Variants in TAF3 observed in about 807,000 individuals in gnomAD.
TAF3 encodes the protein transcription initiation factor TFIID subunit 3.
A neutral mutation model predicts 80.6 loss-of-function variants in TAF3; 7 were observed. The ratio of observed to expected loss-of-function variants is 0.09; its 90% CI spans 0.05 to 0.16. TAF3 has a LOEUF of 0.16. TAF3 is among the 10% of genes least tolerant of loss of function. The probability of loss-of-function intolerance (pLI) is 1.00; values close to 1 mark genes in which losing one functional copy is unlikely to be tolerated. For missense variants in TAF3, 921 were observed against 1,140.2 expected, an observed-to-expected ratio of 0.81 and a Z score of 2.77; for synonymous variants, 444 against 446.1, an observed-to-expected ratio of 1.00 and a Z score of 0.06.
intron 2 of TAF3, among the ~76,000 whole-genome samples, chr10:7,874,409 C>T (rs937087148): frequency 5.9e-5 from 9 of 152,038 alleles, no homozygotes; most frequent in African/African-American, 2.2e-4. Flanking sequence ...TATCTTACCC[C>T]TGGGCTTTCC....
rs925039432 is a variant in TAF3, at chr10:7,877,845, C to T, written c.409+53285C>T. Among the ~76,000 whole-genome samples, 14 of 152,156 alleles carry T rather than the reference C, an allele frequency of 9.2e-5. No individual in the cohort carries two copies. In the East Asian group the frequency reaches 1.5e-3, roughly 17 times the overall value. On this transcript the variant is annotated intron_variant, in intron 2 of 6. Transcript: ENST00000344293. ...TGCTCAATTCTGTGTCCCTCTCTCT[C>T]CTTCTAGTACCGTTTATACACCGTG... is the stretch of plus-strand genomic sequence containing the variant.
chr10:7,880,527 C>G (rs895123683), intron 2 of TAF3, among the ~76,000 whole-genome samples: 5 of 152,090 alleles, frequency 3.3e-5, no homozygotes, highest in Non-Finnish European at 5.9e-5. Flanking sequence ...TAACAGAAAC[C>G]TGTATTGGAA....
At chr10:7,940,729 A>G (rs777316283) in intron 2 of TAF3, among the ~76,000 whole-genome samples, 7 of 152,102 alleles carry the variant, frequency 4.6e-5, no homozygotes, top group Non-Finnish European at 1.0e-4. Flanking sequence ...CTGAGATGGG[A>G]GGATCATTTG....
intron 2 of TAF3, among the ~76,000 whole-genome samples, chr10:7,957,794 G>GCTCTCTCTCTCT (rs376837630): frequency 6.4e-4 from 84 of 130,704 alleles, no homozygotes; most frequent in South Asian, 1.1e-3. Flanking sequence ...TCTCTAGCGC[G>GCTCTCTCTCTCT]CTCTCTCTCT....
chr10:7,886,466 A>G (rs1324998409), intron 2 of TAF3, among the ~76,000 whole-genome samples: 1 of 152,228 alleles, frequency 6.6e-6, no homozygotes, highest in Non-Finnish European at 1.5e-5. Context: ...TACACAAAAT[A>G]TATAATAACC....
In TAF3 at chr10:7,818,516, G is replaced by T; in HGVS notation, c.-194G>T. 1.9e-6 allele frequency: 1 copy of T among 516,652 alleles called. No homozygotes were observed. Among genetic ancestry groups the T allele is most frequent in the South Asian group, 3.1e-5 (1 of 32,262 alleles). The allele number at this position is 516,652 out of a possible 1,614,324, so 32.0% of individuals were successfully genotyped here. A position where few individuals can be genotyped will look rare whatever the true frequency, so the allele number is the denominator to read the frequency against. On this transcript the variant is annotated 5_prime_UTR_variant, in exon 1 of 7. Transcript: ENST00000344293. ...CCCGGCGGCCGTCCAGCGGGAGGCG[G>T]AGCGAGTCCAAAATGGCGGCTCTCA...
chr10:7,818,887 G>C lies in TAF3; in HGVS notation c.166+12G>C. 7.0e-7 allele frequency: 1 copy of C among 1,421,264 alleles called. No individual in the cohort carries two copies. Among genetic ancestry groups the C allele is most frequent in the Non-Finnish European group, 9.2e-7 (1 of 1,092,330 alleles). 88.0% of individuals were successfully genotyped at this position (1,421,264 alleles called of 1,614,324 possible). A position where few individuals can be genotyped will look rare whatever the true frequency, so the allele number is the denominator to read the frequency against. On this transcript the variant is annotated intron_variant, in intron 1 of 6. Transcript: ENST00000344293. ...GTACTCTGAGCTCTGTGAGTACCGGGCTGGGTGCGGGAGGGCTGCCCCGGC... is the reference window on the plus strand; with the variant it reads ...GTACTCTGAGCTCTGTGAGTACCGGCCTGGGTGCGGGAGGGCTGCCCCGGC...
intron 2 of TAF3, among the ~76,000 whole-genome samples, chr10:7,851,953 T>C (rs1201148206): frequency 1.3e-5 from 2 of 151,884 alleles, no homozygotes; most frequent in African/African-American, 4.8e-5. Flanking sequence ...CTTTTTTTTT[T>C]TCTTAATTTT....
chr10:7,969,102 G>T (rs959971358), intron 3 of TAF3, among the ~76,000 whole-genome samples: 6 of 152,148 alleles, frequency 3.9e-5, no homozygotes, highest in Admixed American at 3.3e-4. Flanking sequence ...CCAGGAATTT[G>T]AGACCAGCCC....
At chr10:7,966,812 C>G (rs148095073) in intron 3 of TAF3, among the ~76,000 whole-genome samples, 1 of 152,208 alleles carries the variant, frequency 6.6e-6, no homozygotes, top group African/African-American at 2.4e-5. Context: ...ATGGCAACTC[C>G]CATTTTTCGC....
intron 3 of TAF3, chr10:7,974,988 C>A: frequency 5.2e-6 from 1 of 191,132 alleles, no homozygotes; most frequent in South Asian, 7.3e-5. Context: ...GCAGGAGAAT[C>A]TCTTGAACCT....
Position 7,965,561 on chromosome 10 carries a change from T to C in TAF3, c.2051T>C (p.Val684Ala). The change falls in exon 3 of 7, where the codon GTG (valine) becomes GCG (alanine). Residue 684 changes from valine (V) to alanine (A), a missense_variant. By Grantham distance (64) the Val-to-Ala change is moderately conservative. Transcript: ENST00000344293. The part of the protein sequence containing the change: ...VPAMLPSLLP[V>A]LPEKLFEEKE... The stretch of plus-strand genomic sequence containing the variant: ...GCCATGCTGCCATCTTTGTTGCCAG[T>C]GCTTCCGGAAAAACTGTTTGAGGAG... 1 of 1,599,634 alleles carries C rather than the reference T, an allele frequency of 6.3e-7. No homozygotes were observed. The highest frequency in any genetic ancestry group is 8.5e-7 in the Non-Finnish European group (1 of 1,176,664).
At chr10:7,924,067 C>T (rs1017702991) in intron 2 of TAF3, among the ~76,000 whole-genome samples, 7 of 152,170 alleles carry the variant, frequency 4.6e-5, no homozygotes, top group African/African-American at 1.2e-4. Flanking sequence ...ATTCTCTTTG[C>T]GCACACCAAT....
chr10:7,871,460 T>TG (rs1837265673), intron 2 of TAF3, among the ~76,000 whole-genome samples: 1 of 83,384 alleles, frequency 1.2e-5, no homozygotes, highest in Non-Finnish European at 2.5e-5. Flanking sequence ...TTTTTTTTTT[T>TG]GAGACGGAGT....
intron 2 of TAF3, among the ~76,000 whole-genome samples, chr10:7,856,134 A>T (rs1353593537): frequency 6.6e-6 from 1 of 152,166 alleles, no homozygotes; most frequent in South Asian, 2.1e-4. Flanking sequence ...AAATTTTTTT[A>T]AAATGCAGTC....
chr10:7,976,703 G>A (rs970100145), intron 3 of TAF3, among the ~76,000 whole-genome samples: 5 of 151,992 alleles, frequency 3.3e-5, no homozygotes, highest in Admixed American at 6.6e-5. Flanking sequence ...CACCCTGCTT[G>A]TTTTTGTTTT....
intron 2 of TAF3, among the ~76,000 whole-genome samples, chr10:7,932,481 G>A (rs1837876979): frequency 6.6e-6 from 1 of 152,162 alleles, no homozygotes; most frequent in African/African-American, 2.4e-5. Flanking sequence ...GGGTGTGAGA[G>A]AGGGAGGAGA....
At chr10:7,972,991 G>C (rs1191201498) in intron 3 of TAF3, among the ~76,000 whole-genome samples, 1 of 152,240 alleles carries the variant, frequency 6.6e-6, no homozygotes, top group Non-Finnish European at 1.5e-5. Flanking sequence ...GCGTCAGAGA[G>C]TTAAGGAGCA....
rs573352683 is a variant in TAF3 at position 7,934,770 on chromosome 10, C to T, written c.410-29150C>T. ...TCCCTTCCTTTAATATTTAAAAGTA[C>T]TATGATATAGAGCAGTAATAATTGC... is the stretch of plus-strand genomic sequence containing the variant. On this transcript the variant is annotated intron_variant, in intron 2 of 6. Transcript: ENST00000344293. 2.6e-5 allele frequency among the ~76,000 whole-genome samples: 4 copies of T among 152,138 alleles called. No individual in the cohort carries two copies. The East Asian group carries it at 7.7e-4, about 29-fold the overall frequency.
Sources: gnomAD v4.1 joint callset for allele counts (sites outside exome capture counted in the v4.1 genomes callset) on GRCh38, gnomAD v4.1.1 for gene constraint, MANE v1.5 for transcripts, NCBI Gene and HGNC (gene_info 2026-07-23, HGNC 2026-07-21) for gene names.